MARCHF1: variants seen among roughly 807,000 people sequenced by gnomAD.
MARCHF1 encodes E3 ubiquitin-protein ligase MARCHF1.
Under a neutral mutation model 54.2 loss-of-function variants are expected in MARCHF1, and 40 were observed. That is an observed-to-expected ratio of 0.74 (90% CI 0.57 to 0.96). The LOEUF (loss-of-function observed/expected upper bound fraction) is 0.96. MARCHF1 is among the 40% of genes least tolerant of loss of function. MARCHF1 has a pLI of 0.00. For missense variants in MARCHF1, 586 were observed against 656.5 expected, an observed-to-expected ratio of 0.89 and a Z score of 1.17; for synonymous variants, 236 against 236.3, an observed-to-expected ratio of 1.00 and a Z score of 0.01.
chr4:164,124,077 C>A (rs976833564), intron 1 of MARCHF1, among the ~76,000 whole-genome samples: 2 of 151,438 alleles, frequency 1.3e-5, no homozygotes, highest in African/African-American at 4.9e-5. Context: ...ATAATCTGAT[C>A]AAAAATGGGC....
chr4:164,262,349 C>G (rs1446761652), intron 1 of MARCHF1, among the ~76,000 whole-genome samples: 1 of 152,110 alleles, frequency 6.6e-6, no homozygotes, highest in Non-Finnish European at 1.5e-5. Context: ...ACAAGTGTGG[C>G]TCACTTTGCA....
chr4:164,337,312 C>T (rs1411348577), intron 1 of MARCHF1, among the ~76,000 whole-genome samples: 24 of 152,128 alleles, frequency 1.6e-4, no homozygotes, highest in Admixed American at 1.6e-3. Context: ...AAAATAGATG[C>T]ATTTAAAAAA....
intron 1 of MARCHF1, among the ~76,000 whole-genome samples, chr4:164,172,464 A>T (rs895005552): frequency 8.3e-4 from 127 of 152,274 alleles, no homozygotes; most frequent in African/African-American, 2.9e-3. Flanking sequence ...AGACAGAAAG[A>T]TCTTTGCAAG....
At chr4:163,676,335 C>T (rs1358954256) in intron 5 of MARCHF1, among the ~76,000 whole-genome samples, 1 of 137,692 alleles carries the variant, frequency 7.3e-6, no homozygotes, top group African/African-American at 2.8e-5. Flanking sequence ...CCAGCCTGGG[C>T]AACAAGAGCA....
intron 8 of MARCHF1, among the ~76,000 whole-genome samples, chr4:163,547,642 T>C (rs1433917255): frequency 6.6e-6 from 1 of 152,236 alleles, no homozygotes; most frequent in Non-Finnish European, 1.5e-5. Context: ...CCACTTGCTG[T>C]CAAATGCAAT....
In MARCHF1 at chr4:164,162,482, C is replaced by G. The variant is rs180757321; in HGVS notation, c.-322-50820G>C. Among the ~76,000 whole-genome samples, 5 of 152,140 alleles carry G rather than the reference C, an allele frequency of 3.3e-5. No homozygotes were observed. The East Asian group carries it at 7.7e-4, about 24-fold the overall frequency. ...AGGAGCCGTGACCTTCAGTAAATGA[C>G]CAATCAGCCTGGCAAAGAGGGACTA... On this transcript the variant is annotated intron_variant, in intron 1 of 9. Transcript: ENST00000514618.
At chr4:164,267,146 T>A (rs1012265385) in intron 1 of MARCHF1, among the ~76,000 whole-genome samples, 1 of 152,136 alleles carries the variant, frequency 6.6e-6, no homozygotes, top group Non-Finnish European at 1.5e-5. Context: ...AAGGTTCATT[T>A]CCATTAGACC....
intron 2 of MARCHF1, among the ~76,000 whole-genome samples, chr4:164,043,816 A>G (rs1754182481): frequency 6.6e-6 from 1 of 152,182 alleles, no homozygotes; most frequent in Admixed American, 6.5e-5. Flanking sequence ...AGAATTTTAG[A>G]AACATCCAGG....
At chr4:164,251,986 C>A (rs1733142816) in intron 1 of MARCHF1, among the ~76,000 whole-genome samples, 1 of 151,990 alleles carries the variant, frequency 6.6e-6, no homozygotes. Context: ...TAAATCATCA[C>A]AAAATAAAGG....
intron 8 of MARCHF1, among the ~76,000 whole-genome samples, chr4:163,573,700 T>C (rs906180587): frequency 1.4e-3 from 212 of 151,990 alleles, no homozygotes; most frequent in African/African-American, 4.4e-3. Context: ...ATTTTCTTAA[T>C]CCAGTCTATC....
At chr4:163,939,683 A>T (rs938433961) in intron 3 of MARCHF1, among the ~76,000 whole-genome samples, 1 of 152,170 alleles carries the variant, frequency 6.6e-6, no homozygotes, top group Non-Finnish European at 1.5e-5. Flanking sequence ...GTCAGACAAA[A>T]TGCCAACAAT....
At chr4:164,071,686 T>C (rs1754870120) in intron 2 of MARCHF1, among the ~76,000 whole-genome samples, 1 of 152,204 alleles carries the variant, frequency 6.6e-6, no homozygotes, top group South Asian at 2.1e-4. Context: ...TTACTTCTTT[T>C]TATAAGATCT....
chr4:163,533,391 C>T (rs775285029), intron 9 of MARCHF1, among the ~76,000 whole-genome samples: 3 of 151,786 alleles, frequency 2.0e-5, no homozygotes, highest in African/African-American at 4.8e-5. Context: ...CTTTTTAAGG[C>T]GGCAACACCA....
At chr4:164,381,111 C>T (rs1023143003) in intron 1 of MARCHF1, among the ~76,000 whole-genome samples, 1 of 152,150 alleles carries the variant, frequency 6.6e-6, no homozygotes, top group African/African-American at 2.4e-5. Flanking sequence ...TCATGTTTTT[C>T]GGTGACCTTG....
At chr4:163,739,864 C>T (rs1169641580) in intron 4 of MARCHF1, among the ~76,000 whole-genome samples, 1 of 152,116 alleles carries the variant, frequency 6.6e-6, no homozygotes, top group Non-Finnish European at 1.5e-5. Flanking sequence ...TGTAAAAAAG[C>T]CTATTTGTTT....
intron 5 of MARCHF1, among the ~76,000 whole-genome samples, chr4:163,671,829 G>T (rs1198469623): frequency 2.0e-5 from 3 of 151,700 alleles, no homozygotes; most frequent in Non-Finnish European, 2.9e-5. Context: ...AAGGCGAAAG[G>T]TACTATTTTT....
intron 1 of MARCHF1, among the ~76,000 whole-genome samples, chr4:164,288,569 A>C (rs1279948939): frequency 6.6e-6 from 1 of 152,096 alleles, no homozygotes; most frequent in Non-Finnish European, 1.5e-5. Flanking sequence ...ACTAAAGAAA[A>C]ACTAATTGTG....
intron 1 of MARCHF1, among the ~76,000 whole-genome samples, chr4:164,200,232 T>G (rs533310188): frequency 3.9e-5 from 6 of 152,154 alleles, no homozygotes; most frequent in African/African-American, 1.4e-4. Flanking sequence ...GGATTCCTAG[T>G]GTCTATTATA....
At chr4:164,198,031 C>T (rs1227402947) in intron 1 of MARCHF1, among the ~76,000 whole-genome samples, 1 of 152,160 alleles carries the variant, frequency 6.6e-6, no homozygotes, top group East Asian at 1.9e-4. Context: ...TCAGCCTTCA[C>T]AAGTACCCAT....
Sources: gnomAD v4.1 joint callset for allele counts (sites outside exome capture counted in the v4.1 genomes callset) on GRCh38, gnomAD v4.1.1 for gene constraint, MANE v1.5 for transcripts, NCBI Gene and HGNC (gene_info 2026-07-23, HGNC 2026-07-21) for gene names.